Variants in TFEC observed in about 807,000 individuals in gnomAD.
TFEC encodes class E basic helix-loop-helix protein 34.
In TFEC, 31 loss-of-function variants were observed where a neutral mutation model predicts 41.6. That is an observed-to-expected ratio of 0.74 (90% CI 0.56 to 1.01). TFEC has a LOEUF of 1.01. Among genes scored for constraint, TFEC ranks in the 50% least tolerant of loss-of-function variants. The pLI is 0.00. For synonymous variants in TFEC, 143 were observed against 140.6 expected, an observed-to-expected ratio of 1.02 and a Z score of -0.12; for missense variants, 402 against 404.1, an observed-to-expected ratio of 0.99 and a Z score of 0.04.
At chr7:116,150,043 T>TA (rs1263008210) in intron 1 of TFEC, among the ~76,000 whole-genome samples, 3 of 147,410 alleles carry the variant, frequency 2.0e-5, no homozygotes, top group Non-Finnish European at 4.5e-5. Context: ...CCCCACCAAG[T>TA]AAATTCTGAA....
At chr7:116,092,068 C>A (rs1312991759) in intron 3 of TFEC, among the ~76,000 whole-genome samples, 1 of 152,104 alleles carries the variant, frequency 6.6e-6, no homozygotes, top group African/African-American at 2.4e-5. Context: ...CGACCTTTGT[C>A]TCCAGTAAAG....
intron 1 of TFEC, among the ~76,000 whole-genome samples, chr7:115,999,780 C>T (rs1029964569): frequency 8.4e-5 from 12 of 142,474 alleles, no homozygotes; most frequent in African/African-American, 5.3e-5. Context: ...GATTGAACCA[C>T]GAAGAAATCC....
chr7:116,061,990 T>G (rs2130991268), intron 3 of TFEC, among the ~76,000 whole-genome samples: 1 of 151,806 alleles, frequency 6.6e-6, no homozygotes, highest in South Asian at 2.1e-4. Flanking sequence ...ACTCTGCTGG[T>G]AGGAATTTTT....
At chr7:116,057,148 T>C (rs114482304) in intron 3 of TFEC, among the ~76,000 whole-genome samples, 1 of 151,968 alleles carries the variant, frequency 6.6e-6, no homozygotes, top group East Asian at 1.9e-4. Context: ...ACAACAAAAA[T>C]GGGCAAAGTG....
chr7:115,996,951 A>C (rs1370294618), intron 1 of TFEC, among the ~76,000 whole-genome samples: 15 of 152,184 alleles, frequency 9.9e-5, no homozygotes, highest in Admixed American at 9.8e-4. Flanking sequence ...TAAGGTTTTT[A>C]AATACAGGCC....
intron 1 of TFEC, among the ~76,000 whole-genome samples, chr7:116,145,169 A>T (rs1435122815): frequency 6.6e-6 from 1 of 152,214 alleles, no homozygotes; most frequent in African/African-American, 2.4e-5. Context: ...TTATTCAAAC[A>T]GCTTGAGACT....
intron 3 of TFEC, among the ~76,000 whole-genome samples, chr7:116,048,517 A>AATGGCACC (rs2130945264): frequency 6.6e-6 from 1 of 152,372 alleles, no homozygotes; most frequent in South Asian, 2.1e-4. Flanking sequence ...GGTGTACCTG[A>AATGGCACC]AAGTGACAGG....
chr7:116,108,328 C>G (rs1471708100), intron 3 of TFEC, among the ~76,000 whole-genome samples: 1 of 152,092 alleles, frequency 6.6e-6, no homozygotes, highest in African/African-American at 2.4e-5. Context: ...GAAAATGGAG[C>G]TGGCAATACT....
chr7:116,032,492 T>C (rs1212841987), upstream of TFEC, among the ~76,000 whole-genome samples: 3 of 152,126 alleles, frequency 2.0e-5, no homozygotes, highest in Non-Finnish European at 4.4e-5. Flanking sequence ...CACAGAATAC[T>C]ATACAGTCAT....
At chr7:115,966,985 T>C (rs1181466442) in intron 3 of TFEC, among the ~76,000 whole-genome samples, 2 of 151,778 alleles carry the variant, frequency 1.3e-5, no homozygotes, top group African/African-American at 4.8e-5. Flanking sequence ...TCCATTTTTA[T>C]TCACTCAGCA....
At chr7:116,021,650 T>C (rs977599663) in intron 1 of TFEC, among the ~76,000 whole-genome samples, 8 of 152,138 alleles carry the variant, frequency 5.3e-5, no homozygotes, top group Non-Finnish European at 1.2e-4. Context: ...CAAAGTTAAA[T>C]TTTCCAGTTA....
intron 1 of TFEC, among the ~76,000 whole-genome samples, chr7:115,996,159 A>G (rs1246724029): frequency 1.3e-5 from 2 of 152,134 alleles, no homozygotes; most frequent in African/African-American, 4.8e-5. Context: ...CACAGCTCAT[A>G]GCACCAGGAA....
intron 3 of TFEC, among the ~76,000 whole-genome samples, chr7:116,074,869 T>G (rs1169794900): frequency 6.6e-6 from 1 of 152,142 alleles, no homozygotes. Context: ...GCAACCCAAA[T>G]GTCCACCAAT....
rs1793429905 is a variant in TFEC at position 115,940,444 on chromosome 7, CCTTT to C, written c.*103_*106del. On this transcript the variant is annotated 3_prime_UTR_variant, in exon 8 of 8. Transcript: ENST00000265440. ...ATCAGTTTTTCATGAACAACACATT[CCTTT>C]AAGAAAAAAAATAAGCCAAAGCAAC... 1 of 1,254,092 alleles carries C rather than the reference CCTTT, an allele frequency of 8.0e-7. No homozygotes were observed. 77.7% of individuals were successfully genotyped at this position (1,254,092 alleles called of 1,614,324 possible).
upstream of TFEC, among the ~76,000 whole-genome samples, chr7:116,035,666 C>T (rs1356605165): frequency 6.6e-6 from 1 of 151,980 alleles, no homozygotes; most frequent in African/African-American, 2.4e-5. Flanking sequence ...ATTAAAACAG[C>T]TTACTACTAA....
chr7:116,024,915 G>A (rs1304646540), intron 1 of TFEC, among the ~76,000 whole-genome samples: 1 of 151,060 alleles, frequency 6.6e-6, no homozygotes, highest in Non-Finnish European at 1.5e-5. Context: ...TGTTGTTGTT[G>A]TTGTTGCTGC....
chr7:116,080,012 CT>C (rs1260737757), intron 3 of TFEC, among the ~76,000 whole-genome samples: 2 of 151,944 alleles, frequency 1.3e-5, no homozygotes, highest in Non-Finnish European at 2.9e-5. Context: ...AATAGAAAAC[CT>C]GGAAATAAAG....
intron 3 of TFEC, among the ~76,000 whole-genome samples, chr7:116,108,006 G>A (rs1229893460): frequency 1.3e-5 from 2 of 152,092 alleles, no homozygotes; most frequent in Non-Finnish European, 2.9e-5. Flanking sequence ...ATAATGATGA[G>A]GAGGACTCAA....
chr7:116,063,644 G>A (rs1796623480), intron 3 of TFEC, among the ~76,000 whole-genome samples: 1 of 152,006 alleles, frequency 6.6e-6, no homozygotes, highest in African/African-American at 2.4e-5. Flanking sequence ...ACCCTGGGGT[G>A]ATGATGGATA....
Sources: gnomAD v4.1 joint callset for allele counts (sites outside exome capture counted in the v4.1 genomes callset) on GRCh38, gnomAD v4.1.1 for gene constraint, MANE v1.5 for transcripts, NCBI Gene and HGNC (gene_info 2026-07-23, HGNC 2026-07-21) for gene names.